MRPS27: variants seen among roughly 807,000 people sequenced by gnomAD.
MRPS27 encodes small ribosomal subunit protein mS27.
MRPS27 carries 43 observed loss-of-function variants against 48.9 expected under a neutral mutation model. The observed-to-expected ratio is 0.88, with a 90% CI of 0.69 to 1.13. MRPS27 has a LOEUF of 1.13. MRPS27 is among the 50% of genes most tolerant of loss of function. The pLI, the probability that MRPS27 is intolerant of heterozygous loss-of-function variation, is 0.00. For synonymous variants in MRPS27, 188 were observed against 171.9 expected (o/e 1.09, Z -0.73); for missense variants, 467 against 476.3 (o/e 0.98, Z 0.18).
intron 4 of MRPS27, among the ~76,000 whole-genome samples, chr5:72,249,426 G>A (rs1748596365): frequency 6.6e-6 from 1 of 152,260 alleles, no homozygotes; most frequent in Non-Finnish European, 1.5e-5. Context: ...GCTCACGCCT[G>A]TAATCCTGGC....
At chr5:72,281,984 A>G (rs1177153123) in intron 4 of MRPS27, among the ~76,000 whole-genome samples, 1 of 152,198 alleles carries the variant, frequency 6.6e-6, no homozygotes, top group African/African-American at 2.4e-5. Context: ...TTTAAGTCCC[A>G]GCTTTGCCTA....
At chr5:72,279,984 T>A (rs566589179) in intron 4 of MRPS27, among the ~76,000 whole-genome samples, 163 of 152,378 alleles carry the variant, frequency 1.1e-3, no homozygotes, top group African/African-American at 3.8e-3. Flanking sequence ...ATTTATTAAC[T>A]AATCCATTCT....
chr5:72,232,881 C>T (rs182391707), intron 6 of MRPS27, among the ~76,000 whole-genome samples: 30 of 152,264 alleles, frequency 2.0e-4, no homozygotes, highest in Admixed American at 3.3e-4. Flanking sequence ...TTTGCTTCAC[C>T]TACTTCAAGA....
intron 2 of MRPS27, among the ~76,000 whole-genome samples, chr5:72,306,859 A>C (rs996256338): frequency 3.3e-5 from 5 of 152,190 alleles, no homozygotes; most frequent in Non-Finnish European, 5.9e-5. Context: ...GAGTTGATGA[A>C]ACAACACTGG....
At position 72,246,870 on chromosome 5, in the gene MRPS27, C is replaced by T. The variant is rs540974670; in HGVS notation, c.282-8742G>A. On this transcript the variant is annotated intron_variant, in intron 4 of 10. Transcript: ENST00000261413. ...TCATTATTCCACCATTGCCTCTCAA[C>T]TTATTTGTAGGACATCTTTAAAAAA... 1.2e-4 allele frequency among the ~76,000 whole-genome samples: 18 copies of T among 152,044 alleles called. No individual in the cohort carries two copies. In the East Asian group the frequency reaches 3.3e-3, roughly 28 times the overall value.
intron 4 of MRPS27, among the ~76,000 whole-genome samples, chr5:72,240,637 C>T (rs1748325127): frequency 6.6e-6 from 1 of 152,098 alleles, no homozygotes; most frequent in African/African-American, 2.4e-5. Context: ...TATTCATGAT[C>T]AGCAGACCAC....
intron 9 of MRPS27, 91 bp downstream of exon 9, chr5:72,225,966 G>T (rs1015848987): frequency 4.3e-5 from 62 of 1,428,980 alleles, no homozygotes; most frequent in Non-Finnish European, 5.8e-5. Context: ...TAGAAAGTAG[G>T]GGTAGTGGAA....
intron 4 of MRPS27, among the ~76,000 whole-genome samples, chr5:72,274,515 G>A (rs764001313): frequency 6.6e-6 from 1 of 152,110 alleles, no homozygotes; most frequent in African/African-American, 2.4e-5. Context: ...TGATAACAAC[G>A]CCTTCTTCTG....
intron 3 of MRPS27, 114 bp from the exon 4 acceptor site, chr5:72,295,703 C>T (rs1307455299): frequency 2.8e-5 from 21 of 737,960 alleles, no homozygotes; most frequent in Admixed American, 9.2e-5. Flanking sequence ...TTTATTGGAA[C>T]GATGGTGATG....
intron 1 of MRPS27, 34 bp from the exon 2 acceptor site, chr5:72,314,192 G>T: frequency 6.7e-7 from 1 of 1,494,082 alleles, no homozygotes; most frequent in Non-Finnish European, 9.3e-7. Context: ...AACACACATG[G>T]TTTTACAAGA....
At chr5:72,258,198 C>T (rs915543562) in intron 4 of MRPS27, among the ~76,000 whole-genome samples, 2 of 150,324 alleles carry the variant, frequency 1.3e-5, no homozygotes, top group African/African-American at 4.9e-5. Context: ...TTAAAACAAA[C>T]AAATGCTCTG....
rs147544297 is a variant in MRPS27, at chr5:72,295,936, TTTTC to T, written c.223-351_223-348del. On this transcript the variant is annotated intron_variant, in intron 3 of 10. Coordinates refer to ENST00000261413, the MANE Select transcript of MRPS27 (RefSeq NM_015084.3). ...CCTTTATCTTTAAACCCTGATATTA[TTTTC>T]TTTATGTTCCAAACATGGGAACATA... 5.1e-3 allele frequency among the ~76,000 whole-genome samples: 775 copies of T among 152,310 alleles called. 3 individuals are homozygous for T. Among genetic ancestry groups the T allele is most frequent in the African/African-American group, 0.018 (745 of 41,568 alleles).
intron 4 of MRPS27, among the ~76,000 whole-genome samples, chr5:72,245,565 A>G (rs923571336): frequency 3.3e-5 from 5 of 152,208 alleles, no homozygotes; most frequent in Non-Finnish European, 7.3e-5. Flanking sequence ...ATTCTGGGAA[A>G]AAGAAAGGTG....
chr5:72,257,669 G>A (rs1181810129), intron 4 of MRPS27, among the ~76,000 whole-genome samples: 2 of 152,162 alleles, frequency 1.3e-5, no homozygotes. Flanking sequence ...TTTATTTAGG[G>A]TGGATTGCAG....
chr5:72,237,435 T>C lies in MRPS27; in HGVS notation c.396+579A>G, dbSNP rs921965092. On this transcript the variant is annotated intron_variant, in intron 5 of 10. Coordinates refer to ENST00000261413, the MANE Select transcript of MRPS27 (RefSeq NM_015084.3). ...TAACTTTCAGGGTCCAGTGACATTA[T>C]AGACGTAATACCTTTTCATAAAAAG... is the stretch of plus-strand genomic sequence containing the variant. Among the ~76,000 whole-genome samples the C allele has an allele frequency of 3.9e-5, 6 of 152,202 alleles. No homozygotes were observed. In the South Asian group the frequency reaches 6.2e-4, roughly 16 times the overall value.
chr5:72,248,280 G>A (rs1748558894), intron 4 of MRPS27, among the ~76,000 whole-genome samples: 1 of 152,252 alleles, frequency 6.6e-6, no homozygotes, highest in South Asian at 2.1e-4. Context: ...AGTACCAGAG[G>A]CAATTCCTTT....
intron 4 of MRPS27, among the ~76,000 whole-genome samples, chr5:72,273,767 G>A (rs1343566322): frequency 1.3e-5 from 2 of 152,196 alleles, no homozygotes; most frequent in South Asian, 2.1e-4. Flanking sequence ...GTGAGTAAAC[G>A]TGAAGATCTA....
intron 8 of MRPS27, 43 bp downstream of exon 8, chr5:72,228,223 T>C: frequency 6.9e-7 from 1 of 1,447,886 alleles, no homozygotes; most frequent in Non-Finnish European, 9.7e-7. Flanking sequence ...ATGCAACAAT[T>C]CTAACCATGA....
At chr5:72,223,599 T>C in intron 10 of MRPS27, 84 bp downstream of exon 10, 2 of 1,481,798 alleles carry the variant, frequency 1.3e-6, no homozygotes, top group Non-Finnish European at 1.8e-6. Context: ...GTGACATTGA[T>C]GCAGAAAGAA....
Sources: gnomAD v4.1 joint callset for allele counts (sites outside exome capture counted in the v4.1 genomes callset) on GRCh38, gnomAD v4.1.1 for gene constraint, MANE v1.5 for transcripts, NCBI Gene and HGNC (gene_info 2026-07-23, HGNC 2026-07-21) for gene names.